SEMA6B: variants seen among roughly 807,000 people sequenced by gnomAD.
SEMA6B encodes the protein semaphorin-6B.
A neutral mutation model predicts 78.6 loss-of-function variants in SEMA6B; 47 were observed. The ratio of observed to expected loss-of-function variants is 0.60; its 90% CI spans 0.47 to 0.76. The LOEUF (loss-of-function observed/expected upper bound fraction) is 0.76. Among genes scored for constraint, SEMA6B ranks in the 30% least tolerant of loss-of-function variants. The probability of loss-of-function intolerance (pLI) is 0.00; values close to 1 mark genes in which losing one functional copy is unlikely to be tolerated. For missense variants in SEMA6B, 1,213 were observed against 1,269.9 expected (o/e 0.96, Z 0.68); for synonymous variants, 632 against 592.2 (o/e 1.07, Z -0.98).
At chr19:4,556,470 G>A (rs1247632961) in intron 5 of SEMA6B, among the ~76,000 whole-genome samples, 1 of 150,742 alleles carries the variant, frequency 6.6e-6, no homozygotes, top group Non-Finnish European at 1.5e-5. Flanking sequence ...CAAGTTGGGA[G>A]CGTGGCCAGA....
rs1335952780 is a variant in SEMA6B, at chr19:4,548,445, C to G, written c.1272G>C (p.Arg424Ser). The change falls in exon 13 of 17, where the codon AGG (arginine) becomes AGC (serine). Residue 424 changes from arginine to serine, a missense_variant and splice_region_variant. Arg to Ser is a moderately radical substitution (Grantham distance 110). Transcript: ENST00000586582. The part of the protein sequence containing the change: ...HAPWILRTLM[R>S]HQLTRVAVDV... ...CCACAGCCACTCGAGTCAGCTGGTG[C>G]CTGGGGGACAGGGCAGGGGAGGGTC... 1 of 1,610,824 alleles carries G rather than the reference C, an allele frequency of 6.2e-7. No homozygotes were observed. The highest frequency in any genetic ancestry group is 8.5e-7 in the Non-Finnish European group (1 of 1,178,694).
Position 4,543,793 on chromosome 19 carries a change from C to CG in SEMA6B, c.2474dup (p.Thr826AspfsTer198). 8.2e-7 allele frequency: 1 copy of CG among 1,220,382 alleles called. No individual in the cohort carries two copies. The highest frequency in any genetic ancestry group is 1.0e-6 in the Non-Finnish European group (1 of 980,790). 75.6% of individuals were successfully genotyped at this position (1,220,382 alleles called of 1,614,324 possible). On this transcript the variant is annotated frameshift_variant, in exon 17 of 17. Coordinates refer to ENST00000586582, the MANE Select transcript of SEMA6B (RefSeq NM_032108.4). LOFTEE classifies it high-confidence loss of function. Reference sequence around the variant, plus strand: ...CCAGTGGCCTCCTCAGGCTGCCCGTCGGGGGCGGGCTCCAGGGCCGCGGGA... The same window carrying CG: ...CCAGTGGCCTCCTCAGGCTGCCCGTCGGGGGGCGGGCTCCAGGGCCGCGGGA...
At position 4,548,269 on chromosome 19, in the gene SEMA6B, G is replaced by C; in HGVS notation, c.1448C>G (p.Pro483Arg). ...VFLEEFETYR[P>R]DRCGRPGGGE... is the part of the protein sequence containing the mutation. The stretch of plus-strand genomic sequence containing the variant: ...CACCTTTGCCCAGACTTACCTGTCC[G>C]GCCGGTAGGTCTCAAACTCCTCCAG... Residue 483 changes from proline to arginine, a missense_variant, in exon 13 of 17, where the codon CCG (proline) becomes CGG (arginine). Transcript: ENST00000586582. The C allele has an allele frequency of 1.2e-6, 2 of 1,607,708 alleles. No homozygotes were observed. Among genetic ancestry groups the C allele is most frequent in the Non-Finnish European group, 1.7e-6 (2 of 1,174,954 alleles).
At position 4,544,056 on chromosome 19, in the gene SEMA6B, C is replaced by T. The variant is rs1977096516; in HGVS notation, c.2212G>A (p.Gly738Ser). 1 of 1,226,120 alleles carries T rather than the reference C, an allele frequency of 8.2e-7. No homozygotes were observed. Among genetic ancestry groups the T allele is most frequent in the Non-Finnish European group, 1.0e-6 (1 of 984,022 alleles). 76.0% of individuals were successfully genotyped at this position (1,226,120 alleles called of 1,614,324 possible). A position where few individuals can be genotyped will look rare whatever the true frequency, so the allele number is the denominator to read the frequency against. The change falls in exon 17 of 17, where the codon GGC becomes AGC. Residue 738 changes from glycine to serine, a missense_variant. Physicochemically the swap from Gly to Ser is moderately conservative, Grantham distance 56. Transcript: ENST00000586582. The surrounding 1 kb of genome is among the most constrained non-coding windows in gnomAD (Gnocchi z 5.1). ...HALGPRAWDH[G>S]HPLLPASASS... The stretch of plus-strand genomic sequence containing the variant: ...GCGGAGGCCGGGAGCAGGGGGTGGC[C>T]GTGGTCCCAGGCGCGGGGGCCCAGG...
chr19:4,549,109 A>G (rs1270953749), intron 12 of SEMA6B, among the ~76,000 whole-genome samples: 1 of 152,052 alleles, frequency 6.6e-6, no homozygotes, highest in Non-Finnish European at 1.5e-5. Context: ...TACAGGCATG[A>G]GCCACTGTGC....
Position 4,543,730 on chromosome 19 carries a change from G to C in SEMA6B, c.2538C>G (p.Thr846=). The change falls in exon 17 of 17, where the codon ACC becomes ACG. Residue 846 remains threonine, a synonymous_variant. Coordinates refer to ENST00000586582, the MANE Select transcript of SEMA6B (RefSeq NM_032108.4). ...GGGCCTCGCCGCTGTTGAACGTGTG[G>C]GTGCGGCGCAGGGTGGCGGCCGGAG... is the stretch of plus-strand genomic sequence containing the variant. ...HAPPAATLRR[T]HTFNSGEARP... The C allele has an allele frequency of 1.6e-6, 2 of 1,228,420 alleles. No homozygotes were observed. Among genetic ancestry groups the C allele is most frequent in the Middle Eastern group, 3.1e-4 (1 of 3,198 alleles). The allele number at this position is 1,228,420 out of a possible 1,614,324, so 76.1% of individuals were successfully genotyped here.
At position 4,544,915 on chromosome 19, in the gene SEMA6B, A is replaced by AG. The variant is rs542317311; in HGVS notation, c.1739-387dup. On this transcript the variant is annotated intron_variant, in intron 16 of 16. Transcript: ENST00000586582. This position sits in a 1 kb window ranked among gnomAD's most constrained non-coding sequence, Gnocchi z 5.1. The stretch of plus-strand genomic sequence containing the variant: ...CCAAAGTGCTGGGATTACAGGCATA[A>AG]GCCACCACGACTGGCCTTATTTTTA... Among the ~76,000 whole-genome samples the AG allele has an allele frequency of 7.2e-3, 1,091 of 151,954 alleles. 12 individuals carry two copies. The highest frequency in any genetic ancestry group is 9.8e-3 in the Non-Finnish European group (668 of 67,980).
At chr19:4,548,644 A>G (rs953557962) in intron 12 of SEMA6B, among the ~76,000 whole-genome samples, 199 bp from the exon 13 acceptor site, 1 of 152,222 alleles carries the variant, frequency 6.6e-6, no homozygotes, top group African/African-American at 2.4e-5. Context: ...TTTTTGAAAC[A>G]TAACCCCAAA....
chr19:4,551,822 T>C (rs1208360767), intron 10 of SEMA6B, among the ~76,000 whole-genome samples: 1 of 108,794 alleles, frequency 9.2e-6, no homozygotes, highest in African/African-American at 3.1e-5. Flanking sequence ...AGAGTGAAAC[T>C]GTCTCAAAAA....
chr19:4,543,744 T>G lies in SEMA6B; in HGVS notation c.2524A>C (p.Thr842Pro), dbSNP rs1019531111. The change falls in exon 17 of 17, where the codon ACC (threonine) becomes CCC (proline). Residue 842 changes from threonine to proline, a missense_variant. Coordinates refer to ENST00000586582, the MANE Select transcript of SEMA6B (RefSeq NM_032108.4). ...TTGAACGTGTGGGTGCGGCGCAGGG[T>G]GGCGGCCGGAGGGGCGTGGGGGCCC... Reference protein sequence around the residue: ...PLGPHAPPAATLRRTHTFNSG... With the variant: ...PLGPHAPPAAPLRRTHTFNSG... 9 of 1,226,698 alleles carry G rather than the reference T, an allele frequency of 7.3e-6. No individual in the cohort carries two copies. In the Admixed American group the frequency reaches 3.8e-4, roughly 52 times the overall value. 76.0% of individuals were successfully genotyped at this position (1,226,698 alleles called of 1,614,324 possible). A position where few individuals can be genotyped will look rare whatever the true frequency, so the allele number is the denominator to read the frequency against.
At chr19:4,546,592 A>ATTAT (rs1977174845) in intron 14 of SEMA6B, 123 bp from the exon 15 acceptor site, 1 of 474,448 alleles carries the variant, frequency 2.1e-6, no homozygotes, top group Admixed American at 4.2e-5. Context: ...TAATTAATTA[A>ATTAT]TTTTTGAGAC....
rs766779469 is a variant in SEMA6B at position 4,552,522 on chromosome 19, C to G, written c.889G>C (p.Asp297His). Residue 297 changes from aspartate to histidine, a missense_variant, in exon 10 of 17, where the codon GAC (aspartate) becomes CAC (histidine). Coordinates refer to ENST00000586582, the MANE Select transcript of SEMA6B (RefSeq NM_032108.4). This position sits in a 1 kb window ranked among gnomAD's most constrained non-coding sequence, Gnocchi z 7.4. ...KARLNCSVPG[D>H]SHFYFNVLQA... ...AGCACGTTGAAGTAGAAATGGGAGT[C>G]TCCGGGTACAGAGCAGTTGAGCCGC... is the stretch of plus-strand genomic sequence containing the variant. The G allele has an allele frequency of 6.2e-7, 1 of 1,612,864 alleles. No homozygotes were observed. Among genetic ancestry groups the G allele is most frequent in the South Asian group, 1.1e-5 (1 of 91,062 alleles).
rs1032454083 is a variant in SEMA6B, at chr19:4,558,853, A to G, written c.-32-364T>C. On this transcript the variant is annotated intron_variant, in intron 1 of 16. Coordinates refer to ENST00000586582, the MANE Select transcript of SEMA6B (RefSeq NM_032108.4). This position sits in a 1 kb window ranked among gnomAD's most constrained non-coding sequence, Gnocchi z 5.1. ...TAGAATTAAAACACAAAAATATTAAACTCAAAGGCTAAAAAAAAAAAGAGT... is the reference window on the plus strand; with the variant it reads ...TAGAATTAAAACACAAAAATATTAAGCTCAAAGGCTAAAAAAAAAAAGAGT... 2.6e-5 allele frequency among the ~76,000 whole-genome samples: 4 copies of G among 151,882 alleles called. No individual in the cohort carries two copies. The highest frequency in any genetic ancestry group is 5.9e-5 in the Non-Finnish European group (4 of 67,976).
intron 14 of SEMA6B, among the ~76,000 whole-genome samples, chr19:4,547,052 C>G (rs1568253167): frequency 6.6e-6 from 1 of 152,174 alleles, no homozygotes; most frequent in South Asian, 2.1e-4. Context: ...CTCAACCTCC[C>G]AGGCTCAAGT....
rs1950892307 is a variant in SEMA6B at position 4,556,855 on chromosome 19, C to G, written c.369+96G>C. ...GGGGTGGGTTGGGGCGTGGCCAGGG[C>G]TGGCGGGGTGGGCGTGGCCTGGTCT... On this transcript the variant is annotated intron_variant, in intron 5 of 16. Transcript: ENST00000586582. The G allele has an allele frequency of 1.6e-5, 17 of 1,074,288 alleles. No individual in the cohort carries two copies. In the Admixed American group the frequency reaches 2.3e-4, roughly 14 times the overall value. The allele number at this position is 1,074,288 out of a possible 1,614,324, so 66.5% of individuals were successfully genotyped here.
rs1977539440 is a variant in SEMA6B, at chr19:4,558,574, C to T, written c.-32-85G>A. On this transcript the variant is annotated intron_variant, in intron 1 of 16. Coordinates refer to ENST00000586582, the MANE Select transcript of SEMA6B (RefSeq NM_032108.4). This position sits in a 1 kb window ranked among gnomAD's most constrained non-coding sequence, Gnocchi z 5.1. Reference sequence around the variant, plus strand: ...CGGGCGAGAGCAGCAGACGCTCCTTCAAATCCCAGAAAAATTCCTCACGGG... The same window carrying T: ...CGGGCGAGAGCAGCAGACGCTCCTTTAAATCCCAGAAAAATTCCTCACGGG... 1 of 812,810 alleles carries T rather than the reference C, an allele frequency of 1.2e-6. No individual in the cohort carries two copies. The allele number at this position is 812,810 out of a possible 1,614,324, so 50.3% of individuals were successfully genotyped here.
Position 4,554,257 on chromosome 19 carries a change from G to A in SEMA6B, c.771+131C>T, listed in dbSNP as rs1977411930. 31 of 707,906 alleles carry A rather than the reference G, an allele frequency of 4.4e-5. 1 individual carries two copies. The South Asian group carries it at 5.3e-4, about 12-fold the overall frequency. 43.9% of individuals were successfully genotyped at this position (707,906 alleles called of 1,614,324 possible). A position where few individuals can be genotyped will look rare whatever the true frequency, so the allele number is the denominator to read the frequency against. ...CTCAGGGCCTGATCATGGCTGGAAA[G>A]GAGGCCCTGGGGACCAGAAATGGAG... On this transcript the variant is annotated intron_variant, in intron 9 of 16. Coordinates refer to ENST00000586582, the MANE Select transcript of SEMA6B (RefSeq NM_032108.4).
At chr19:4,549,743 G>A (rs1599777038) in intron 12 of SEMA6B, among the ~76,000 whole-genome samples, 1 of 152,070 alleles carries the variant, frequency 6.6e-6, no homozygotes, top group East Asian at 1.9e-4. Flanking sequence ...CTCCCAAAGT[G>A]CTGGGATTAC....
chr19:4,548,004 G>C (rs767692934), intron 14 of SEMA6B, 23 bp downstream of exon 14: 11 of 1,520,200 alleles, frequency 7.2e-6, no homozygotes, highest in African/African-American at 2.7e-5. Context: ...CCCGCCCACG[G>C]CTGGCCTGGG....
Sources: gnomAD v4.1 joint callset for allele counts (sites outside exome capture counted in the v4.1 genomes callset) on GRCh38, gnomAD v4.1.1 for gene constraint, Gnocchi (gnomAD v3.1) non-coding constraint, MANE v1.5 for transcripts, NCBI Gene and HGNC (gene_info 2026-07-23, HGNC 2026-07-21) for gene names.